The following ALDH1L1 variants were observed in gnomAD, a reference collection of about 807,000 sequenced individuals.
The protein encoded by ALDH1L1 is aldehyde dehydrogenase 1 family member L1.
Under a neutral mutation model 101.1 loss-of-function variants are expected in ALDH1L1, and 68 were observed. That is an observed-to-expected ratio of 0.67 (90% CI 0.55 to 0.82). The LOEUF is 0.82. ALDH1L1 is among the 40% of genes least tolerant of loss of function. ALDH1L1 has a pLI of 0.00. For missense variants in ALDH1L1, 1,087 were observed against 1,172.7 expected (o/e 0.93, Z 1.07); for synonymous variants, 486 against 470.8 (o/e 1.03, Z -0.42).
intron 1 of ALDH1L1, among the ~76,000 whole-genome samples, chr3:126,165,894 C>G (rs1001046973): frequency 7.2e-5 from 11 of 152,008 alleles, no homozygotes; most frequent in African/African-American, 2.4e-4. Context: ...TTTCATTGAT[C>G]TTTTGTATGG....
chr3:126,161,926 T>C (rs1468077454), intron 1 of ALDH1L1, among the ~76,000 whole-genome samples: 1 of 107,694 alleles, frequency 9.3e-6, no homozygotes, highest in Admixed American at 9.0e-5. Flanking sequence ...CATCGAATGG[T>C]TTCGCTTGAT....
intron 7 of ALDH1L1, chr3:126,152,438 T>G (rs1248425224): frequency 6.6e-6 from 1 of 152,210 alleles, no homozygotes; most frequent in Non-Finnish European, 1.5e-5. Flanking sequence ...CAACTGCATA[T>G]ATCAATCTTG....
At chr3:126,146,357 G>C (rs114475788) in intron 9 of ALDH1L1, among the ~76,000 whole-genome samples, 153 of 152,260 alleles carry the variant, frequency 1.0e-3, no homozygotes, top group African/African-American at 3.6e-3. Context: ...TGACCTGGCA[G>C]ATCCCGCCCT....
rs1345847776 is a variant in ALDH1L1 at position 126,103,728 on chromosome 3, A to C, written c.*63T>G. On this transcript the variant is annotated 3_prime_UTR_variant, in exon 23 of 23. Coordinates refer to ENST00000393434, the MANE Select transcript of ALDH1L1 (RefSeq NM_012190.4). ...TGGGAGGTGCTGTGCACCCAGGCTC[A>C]AGAGGGAGGGGGCCCCAGCCACGAG... 3.2e-6 allele frequency: 5 copies of C among 1,575,436 alleles called. No individual in the cohort carries two copies. The Admixed American group carries it at 8.7e-5, about 28-fold the overall frequency.
rs1222541534 is a variant in ALDH1L1, at chr3:126,131,629, C to T, written c.1473-95G>A. The T allele has an allele frequency of 5.7e-6, 8 of 1,391,370 alleles. No individual in the cohort carries two copies. In the East Asian group the frequency reaches 2.0e-4, roughly 35 times the overall value. 86.2% of individuals were successfully genotyped at this position (1,391,370 alleles called of 1,614,324 possible). ...CTTCTTCAAGGAGCTGGGGTCCTGCCCTCTACCCCAGTTCTGCCACTCTCA... is the reference window on the plus strand; with the variant it reads ...CTTCTTCAAGGAGCTGGGGTCCTGCTCTCTACCCCAGTTCTGCCACTCTCA... On this transcript the variant is annotated intron_variant, in intron 12 of 22. Coordinates refer to ENST00000393434, the MANE Select transcript of ALDH1L1 (RefSeq NM_012190.4).
At chr3:126,130,634 G>A (rs1264244915) in intron 13 of ALDH1L1, among the ~76,000 whole-genome samples, 1 of 152,242 alleles carries the variant, frequency 6.6e-6, no homozygotes. Context: ...CAGGCCTTGG[G>A]GGGTCCAGCT....
chr3:126,132,007 G>A (rs2080318693), intron 12 of ALDH1L1, among the ~76,000 whole-genome samples: 2 of 152,240 alleles, frequency 1.3e-5, no homozygotes, highest in Admixed American at 6.5e-5. Context: ...TCCAGAGATG[G>A]AGAGGTGGCC....
chr3:126,159,180 T>C (rs536668194), intron 2 of ALDH1L1, among the ~76,000 whole-genome samples: 23 of 151,986 alleles, frequency 1.5e-4, no homozygotes, highest in Non-Finnish European at 2.9e-4. Context: ...AAATCAGTTT[T>C]TCCATCATCT....
At position 126,125,609 on chromosome 3, in the gene ALDH1L1, C is replaced by G. The variant is rs367981831; in HGVS notation, c.1800+7G>C. The G allele has an allele frequency of 4.9e-5, 76 of 1,546,064 alleles. No homozygotes were observed. The African/African-American group carries it at 9.9e-4, about 20-fold the overall frequency. ...GCAGGCCCTGTCCAGAGTGAACCCA[C>G]GCTCACCTGAGCAGGCTTGATCACC... On this transcript the variant is annotated splice_region_variant and intron_variant, in intron 15 of 22. Coordinates refer to ENST00000393434, the MANE Select transcript of ALDH1L1 (RefSeq NM_012190.4).
intron 16 of ALDH1L1, among the ~76,000 whole-genome samples, chr3:126,120,811 C>T (rs1239493857): frequency 6.6e-6 from 1 of 152,156 alleles, no homozygotes; most frequent in Non-Finnish European, 1.5e-5. Flanking sequence ...AAAATAACAA[C>T]ACTCTCTTAG....
At chr3:126,156,980 C>T (rs1356585004) in intron 4 of ALDH1L1, among the ~76,000 whole-genome samples, 1 of 152,100 alleles carries the variant, frequency 6.6e-6, no homozygotes, top group Non-Finnish European at 1.5e-5. Flanking sequence ...GGAGAATCAA[C>T]GAGTGAAGGA....
intron 17 of ALDH1L1, chr3:126,115,484 CT>C (rs1270346929): frequency 2.2e-5 from 3 of 133,356 alleles, no homozygotes; most frequent in African/African-American, 8.0e-5. Flanking sequence ...CTGCTTTGCT[CT>C]TCTTTTTTTT....
intron 1 of ALDH1L1, among the ~76,000 whole-genome samples, chr3:126,162,176 C>G (rs1320519651): frequency 6.6e-6 from 1 of 152,182 alleles, no homozygotes; most frequent in South Asian, 2.1e-4. Flanking sequence ...TACAAAGATA[C>G]TTGCACATGG....
At position 126,157,468 on chromosome 3, in the gene ALDH1L1, A is replaced by C. The variant is rs1394266280; in HGVS notation, c.403T>G (p.Phe135Val). 1 of 1,614,114 alleles carries C rather than the reference A, an allele frequency of 6.2e-7. No homozygotes were observed. Among genetic ancestry groups the C allele is most frequent in the Admixed American group, 1.7e-5 (1 of 60,018 alleles). ...HGDKKGGFSI[F>V]WADDGLDTGD... ...GTGTCCAGACCATCATCCGCCCAGAAGATGGAAAACCCCCCTTTCTTATCT... is the reference window on the plus strand; with the variant it reads ...GTGTCCAGACCATCATCCGCCCAGACGATGGAAAACCCCCCTTTCTTATCT... Residue 135 changes from phenylalanine (F) to valine (V), a missense_variant, in exon 4 of 23, where the codon TTC becomes GTC. Coordinates refer to ENST00000393434, the MANE Select transcript of ALDH1L1 (RefSeq NM_012190.4).
Position 126,153,584 on chromosome 3 carries a change from G to C in ALDH1L1, c.721-3C>G. 1.9e-6 allele frequency: 3 copies of C among 1,610,482 alleles called. No individual in the cohort carries two copies. Among genetic ancestry groups the C allele is most frequent in the Non-Finnish European group, 2.5e-6 (3 of 1,177,468 alleles). ...GTTGAGTTGAAAAATGTCAGTTTCTGTCAAGGGGAGAAATATCAGAAGATG... is the reference window on the plus strand; with the variant it reads ...GTTGAGTTGAAAAATGTCAGTTTCTCTCAAGGGGAGAAATATCAGAAGATG... On this transcript the variant is annotated splice_region_variant and splice_polypyrimidine_tract_variant and intron_variant, in intron 6 of 22. Coordinates refer to ENST00000393434, the MANE Select transcript of ALDH1L1 (RefSeq NM_012190.4).
At chr3:126,107,466 T>C (rs1945921947) in intron 20 of ALDH1L1, among the ~76,000 whole-genome samples, 1 of 152,238 alleles carries the variant, frequency 6.6e-6, no homozygotes, top group Non-Finnish European at 1.5e-5. Flanking sequence ...CGGAGTGCTG[T>C]TGAGGGAAAT....
At chr3:126,134,231 A>G (rs1285152466) in intron 12 of ALDH1L1, among the ~76,000 whole-genome samples, 2 of 152,078 alleles carry the variant, frequency 1.3e-5, no homozygotes, top group African/African-American at 4.8e-5. Context: ...GGGGCCTGAG[A>G]GTTTGCATAG....
rs747762366 is a variant in ALDH1L1 at position 126,158,415 on chromosome 3, C to A, written c.352G>T (p.Ala118Ser). Residue 118 changes from alanine (A) to serine (S), a missense_variant, in exon 3 of 23, where the codon GCC becomes TCC. Transcript: ENST00000393434. ...SLLPRHRGASAINWTLIHGDK... is the reference protein window; with the variant it reads ...SLLPRHRGASSINWTLIHGDK... ...TTTGCCCCATCTCACCAGTTGATGG[C>A]CGAGGCCCCTCGGTGCCTAGGGAGC... is the stretch of plus-strand genomic sequence containing the variant. 15 of 1,593,902 alleles carry A rather than the reference C, an allele frequency of 9.4e-6. No individual in the cohort carries two copies. Among genetic ancestry groups the A allele is most frequent in the Admixed American group, 1.7e-5 (1 of 57,792 alleles).
chr3:126,112,224 C>T (rs1234507803), intron 19 of ALDH1L1, among the ~76,000 whole-genome samples: 3 of 152,228 alleles, frequency 2.0e-5, no homozygotes, highest in Non-Finnish European at 2.9e-5. Flanking sequence ...ACCAGATCCC[C>T]GAGGCCATGC....
Sources: allele counts gnomAD v4.1 joint callset (sites outside exome capture counted in the v4.1 genomes callset), GRCh38; gene constraint gnomAD v4.1.1; transcripts MANE v1.5; gene names NCBI Gene and HGNC (gene_info 2026-07-23, HGNC 2026-07-21).